SGIP1: variants seen among roughly 807,000 people sequenced by gnomAD.
SGIP1 encodes SH3GL interacting endocytic adaptor 1, also known as SH3-containing GRB2-like protein 3-interacting protein 1.
In SGIP1, 38 loss-of-function variants were observed where a neutral mutation model predicts 107.5. The ratio of observed to expected loss-of-function variants is 0.35; its 90% CI spans 0.27 to 0.46. The LOEUF (loss-of-function observed/expected upper bound fraction) is 0.46, where lower values mean the gene tolerates loss of function less well. Ranked by LOEUF, SGIP1 falls within the 20% of genes least tolerant of loss-of-function variation. The probability of loss-of-function intolerance (pLI) is 1.00; values close to 1 mark genes in which losing one functional copy is unlikely to be tolerated. For synonymous variants in SGIP1, 365 were observed against 366.1 expected (o/e 1.00, Z 0.03); for missense variants, 929 against 1,019.5 (o/e 0.91, Z 1.21).
Position 66,739,396 on chromosome 1 carries a change from C to G in SGIP1, c.2093C>G (p.Pro698Arg). Reference sequence around the variant, plus strand: ...CTGGCAGTGAATTGGCGATGTGAGCCTTCAAGCACTGACCTGCGCATAGAT... The same window carrying G: ...CTGGCAGTGAATTGGCGATGTGAGCGTTCAAGCACTGACCTGCGCATAGAT... ...LNLAVNWRCE[P>R]SSTDLRIDYK... is the part of the protein sequence containing the mutation. The change falls in exon 22 of 25, where the codon CCT becomes CGT. Residue 698 changes from proline to arginine, a missense_variant. Pro to Arg is a moderately radical substitution (Grantham distance 103). Transcript: ENST00000371037. The G allele has an allele frequency of 6.2e-7, 1 of 1,614,146 alleles. No homozygotes were observed.
intron 7 of SGIP1, among the ~76,000 whole-genome samples, chr1:66,659,316 G>GCATT (rs929935815): frequency 1.3e-5 from 2 of 152,096 alleles, no homozygotes; most frequent in Non-Finnish European, 2.9e-5. Context: ...AAGTAACAGG[G>GCATT]CATTCTGAGG....
chr1:66,710,425 A>G (rs58395344), intron 18 of SGIP1, among the ~76,000 whole-genome samples: 3,028 of 152,232 alleles, frequency 0.02, 98 homozygotes, highest in African/African-American at 0.069. Flanking sequence ...ACTGTGTGTC[A>G]GGTACTGTAA....
chr1:66,656,993 C>A (rs904863801), intron 7 of SGIP1, among the ~76,000 whole-genome samples: 2 of 151,602 alleles, frequency 1.3e-5, no homozygotes, highest in Non-Finnish European at 2.9e-5. Flanking sequence ...CATAGCGAGA[C>A]CCCGTCTTTA....
At chr1:66,666,006 T>C (rs1368577870) in intron 8 of SGIP1, 1 of 152,242 alleles carries the variant, frequency 6.6e-6, no homozygotes, top group Non-Finnish European at 1.5e-5. Flanking sequence ...TTGGCTTTTG[T>C]TGTCATTACT....
chr1:66,565,062 G>A (rs950060358), intron 1 of SGIP1, among the ~76,000 whole-genome samples: 22 of 152,092 alleles, frequency 1.4e-4, no homozygotes, highest in African/African-American at 5.3e-4. Context: ...GACAGTAGAT[G>A]TAAAACCAGG....
At chr1:66,664,539 G>T (rs1252131330) in intron 8 of SGIP1, among the ~76,000 whole-genome samples, 1 of 152,072 alleles carries the variant, frequency 6.6e-6, no homozygotes, top group Admixed American at 6.6e-5. Context: ...TTCTGTGTCT[G>T]GTTCTACCTG....
chr1:66,727,319 T>C (rs1248946485), intron 19 of SGIP1, among the ~76,000 whole-genome samples: 2 of 152,154 alleles, frequency 1.3e-5, no homozygotes, highest in African/African-American at 4.8e-5. Flanking sequence ...TCCTTAGCCA[T>C]TATGGAAATG....
At chr1:66,671,046 A>T (rs775933417) in intron 10 of SGIP1, 27 bp downstream of exon 10, 1 of 1,237,898 alleles carries the variant, frequency 8.1e-7, no homozygotes, top group Admixed American at 2.0e-5. Flanking sequence ...TACCAGAAAT[A>T]GTGTATGATT....
At chr1:66,576,906 A>G (rs1427176949) in intron 1 of SGIP1, among the ~76,000 whole-genome samples, 1 of 152,150 alleles carries the variant, frequency 6.6e-6, no homozygotes, top group African/African-American at 2.4e-5. Flanking sequence ...CTTCTCCCCA[A>G]GCAGAGCTGC....
intron 1 of SGIP1, among the ~76,000 whole-genome samples, chr1:66,552,933 C>A (rs2057640263): frequency 6.6e-6 from 1 of 152,134 alleles, no homozygotes; most frequent in African/African-American, 2.4e-5. Flanking sequence ...AGGTGCTTCT[C>A]ATTCCCTAAT....
At chr1:66,641,118 T>A (rs188103112) in intron 5 of SGIP1, among the ~76,000 whole-genome samples, 1 of 152,020 alleles carries the variant, frequency 6.6e-6, no homozygotes, top group African/African-American at 2.4e-5. Flanking sequence ...AAGAAGTAGG[T>A]CAAAGAGTAC....
intron 1 of SGIP1, among the ~76,000 whole-genome samples, chr1:66,609,671 A>T (rs1015955585): frequency 2.0e-5 from 3 of 152,214 alleles, no homozygotes; most frequent in Admixed American, 1.3e-4. Context: ...TATTTAGATG[A>T]CTAGCAACTC....
chr1:66,689,852 C>T lies in SGIP1; in HGVS notation c.1444-338C>T, dbSNP rs59679961. Among the ~76,000 whole-genome samples, 507 of 152,324 alleles carry T rather than the reference C, an allele frequency of 3.3e-3. 2 individuals are homozygous for T. The highest frequency in any genetic ancestry group is 0.011 in the African/African-American group (442 of 41,574). On this transcript the variant is annotated intron_variant, in intron 16 of 24. Transcript: ENST00000371037. ...TGTCCATAGCATTTGGCTGGGCTAA[C>T]GTCTAAAGTCGTTAGCTTTAGACGA...
intron 6 of SGIP1, 143 bp downstream of exon 6, chr1:66,643,007 T>C: frequency 1.4e-6 from 1 of 705,800 alleles, no homozygotes; most frequent in South Asian, 2.1e-5. Flanking sequence ...TAAACAGCAC[T>C]GAGAACACCC....
At chr1:66,683,385 A>G (rs558124450) in intron 15 of SGIP1, among the ~76,000 whole-genome samples, 52 of 152,282 alleles carry the variant, frequency 3.4e-4, no homozygotes, top group African/African-American at 1.3e-3. Context: ...CAGAAATTCT[A>G]ATATTCAGTC....
chr1:66,620,386 T>G (rs2070698227), intron 1 of SGIP1, among the ~76,000 whole-genome samples: 1 of 152,220 alleles, frequency 6.6e-6, no homozygotes, highest in African/African-American at 2.4e-5. Flanking sequence ...CTGACACTGT[T>G]ATAAAGATAC....
At position 66,616,480 on chromosome 1, in the gene SGIP1, CA is replaced by C. The variant is rs573081153; in HGVS notation, c.11-9362del. On this transcript the variant is annotated intron_variant, in intron 1 of 24. Transcript: ENST00000371037. ...GGTTTTTATACTTATTTAAACCTTA[CA>C]AAAACCTTTTATGATAGATAGCTGA... Among the ~76,000 whole-genome samples the C allele has an allele frequency of 8.5e-5, 13 of 152,190 alleles. No homozygotes were observed. In the South Asian group the frequency reaches 2.5e-3, roughly 29 times the overall value.
rs752459188 is a variant in SGIP1, at chr1:66,659,950, A to AAGAAAAAAAAG, written c.460-562_460-561insGAAAAAAAAGA. Among the ~76,000 whole-genome samples, 110 of 43,022 alleles carry AAGAAAAAAAAG rather than the reference A, an allele frequency of 2.6e-3. 5 individuals carry two copies. Among genetic ancestry groups the AAGAAAAAAAAG allele is most frequent in the African/African-American group, 3.3e-3 (26 of 7,884 alleles). 28.2% of individuals were successfully genotyped at this position (43,022 alleles called of 152,430 possible). ...AAAAAGAGAGAAAGAAAAAGAAAGA[A>AAGAAAAAAAAG]AAAGAAAGAAAGAAAGAAAGAAAGA... On this transcript the variant is annotated intron_variant, in intron 7 of 24. Transcript: ENST00000371037.
At chr1:66,588,558 T>G (rs990673651) in intron 1 of SGIP1, among the ~76,000 whole-genome samples, 1 of 151,858 alleles carries the variant, frequency 6.6e-6, no homozygotes, top group Non-Finnish European at 1.5e-5. Context: ...AATTACTCTA[T>G]AGTAATTTGA....
Sources: gnomAD v4.1 joint callset for allele counts (sites outside exome capture counted in the v4.1 genomes callset) on GRCh38, gnomAD v4.1.1 for gene constraint, MANE v1.5 for transcripts, NCBI Gene and HGNC (gene_info 2026-07-23, HGNC 2026-07-21) for gene names.